The following SLC27A1 variants were observed in gnomAD, a reference collection of about 807,000 sequenced individuals.
The protein encoded by SLC27A1 is long-chain fatty acid transport protein 1.
Under a neutral mutation model 62.2 loss-of-function variants are expected in SLC27A1, and 61 were observed. The ratio of observed to expected loss-of-function variants is 0.98; its 90% CI spans 0.80 to 1.21. SLC27A1 has a LOEUF of 1.21. SLC27A1 is among the 50% of genes most tolerant of loss of function. The pLI is 0.00. For synonymous variants in SLC27A1, 435 were observed against 408.6 expected, an observed-to-expected ratio of 1.06 and a Z score of -0.78; for missense variants, 903 against 932.1, an observed-to-expected ratio of 0.97 and a Z score of 0.41.
At chr19:17,469,661 G>A (rs1437482840), upstream of SLC27A1, among the ~76,000 whole-genome samples, 1 of 152,120 alleles carries the variant, frequency 6.6e-6, no homozygotes, top group African/African-American at 2.4e-5. Context: ...GAAGACGGCC[G>A]GCCTCGGCTC....
chr19:17,473,386 T>C (rs1431741073), intron 1 of SLC27A1, among the ~76,000 whole-genome samples: 2 of 152,194 alleles, frequency 1.3e-5, no homozygotes, highest in African/African-American at 4.8e-5. Flanking sequence ...GGTGTGTGTA[T>C]GTTAAGGAAA....
In SLC27A1 at chr19:17,489,169, A is replaced by G. The variant is rs554421764; in HGVS notation, c.996+52A>G. The G allele has an allele frequency of 1.1e-4, 165 of 1,467,800 alleles. No homozygotes were observed. The Middle Eastern group carries it at 1.4e-3, about 12-fold the overall frequency. 90.9% of individuals were successfully genotyped at this position (1,467,800 alleles called of 1,614,324 possible). Reference sequence around the variant, plus strand: ...ACCCCGCCCCTCCCAGCCAGGCCTCACCCCCTCCCAATCAGGCCCCACCTC... The same window carrying G: ...ACCCCGCCCCTCCCAGCCAGGCCTCGCCCCCTCCCAATCAGGCCCCACCTC... On this transcript the variant is annotated intron_variant, in intron 6 of 11. Transcript: ENST00000252595.
intron 10 of SLC27A1, 156 bp downstream of exon 10, chr19:17,501,032 T>A: frequency 9.3e-7 from 1 of 1,072,960 alleles, no homozygotes; most frequent in Non-Finnish European, 1.3e-6. Flanking sequence ...CCAGTTCACC[T>A]GGGTGATGTT....
At chr19:17,485,102 C>T (rs2075215206) in intron 1 of SLC27A1, among the ~76,000 whole-genome samples, 1 of 151,938 alleles carries the variant, frequency 6.6e-6, no homozygotes, top group South Asian at 2.1e-4. Flanking sequence ...GGGGACCACT[C>T]ATTTCTCCAG....
chr19:17,487,761 C>G lies in SLC27A1; in HGVS notation c.794+232C>G, dbSNP rs561678400. On this transcript the variant is annotated intron_variant, in intron 4 of 11. Coordinates refer to ENST00000252595, the MANE Select transcript of SLC27A1 (RefSeq NM_198580.3). The stretch of plus-strand genomic sequence containing the variant: ...TGGGGCTGGACAAAGGCATCACACC[C>G]ATTTTCACACCCATCTTGGGACCCG... Among the ~76,000 whole-genome samples the G allele has an allele frequency of 6.6e-5, 10 of 152,258 alleles. No homozygotes were observed. In the South Asian group the frequency reaches 2.1e-3, roughly 32 times the overall value.
Position 17,500,569 on chromosome 19 carries a change from A to C in SLC27A1, c.1408A>C (p.Ser470Arg), listed in dbSNP as rs1390029113. 2 of 1,613,730 alleles carry C rather than the reference A, an allele frequency of 1.2e-6. No homozygotes were observed. The highest frequency in any genetic ancestry group is 4.5e-5 in the East Asian group (2 of 44,886). ...CCGCTTCGATGGCTATGTCAGCGAG[A>C]GCGCCACCAGCAAGAAGATCGCCCA... ...LRRFDGYVSE[S>R]ATSKKIAHSV... Residue 470 changes from serine (S) to arginine (R), a missense_variant, in exon 9 of 12, where the codon AGC becomes CGC. By Grantham distance (110) the Ser-to-Arg change is moderately radical (BLOSUM62 -1). Transcript: ENST00000252595.
At chr19:17,487,031 C>A in intron 2 of SLC27A1, 74 bp downstream of exon 2, 1 of 1,540,984 alleles carries the variant, frequency 6.5e-7, no homozygotes, top group South Asian at 1.2e-5. Flanking sequence ...GATGCTGCGC[C>A]CCAGGCCTCG....
chr19:17,482,629 C>A (rs1049638401), intron 1 of SLC27A1, among the ~76,000 whole-genome samples: 1 of 123,582 alleles, frequency 8.1e-6, no homozygotes, highest in African/African-American at 3.2e-5. Flanking sequence ...CTGGCCTGGA[C>A]GACAGAGCAA....
Position 17,500,312 on chromosome 19 carries a change from C to CCCA in SLC27A1, c.1243_1245dup (p.His415dup). On this transcript the variant is annotated inframe_insertion, in exon 8 of 12. Transcript: ENST00000252595. ...TGTGGTTTCAACAGCCGCATCCTGC[C>CCCA]CCACGTGTACCCCATCCGGCTGGTG... The CCCA allele has an allele frequency of 6.2e-7, 1 of 1,614,224 alleles. No homozygotes were observed. Among genetic ancestry groups the CCCA allele is most frequent in the Non-Finnish European group, 8.5e-7 (1 of 1,180,034 alleles).
chr19:17,475,978 G>A (rs752009783), intron 1 of SLC27A1, among the ~76,000 whole-genome samples: 2 of 152,066 alleles, frequency 1.3e-5, no homozygotes, highest in Admixed American at 6.6e-5. Flanking sequence ...CCAAGAGACC[G>A]GGAGGCTGGG....
chr19:17,473,537 A>G (rs971508096), intron 1 of SLC27A1, among the ~76,000 whole-genome samples: 1 of 151,936 alleles, frequency 6.6e-6, no homozygotes, highest in Non-Finnish European at 1.5e-5. Flanking sequence ...GTTGGTCCTT[A>G]TTTTCTGATC....
rs2075462328 is a variant in SLC27A1 at position 17,504,958 on chromosome 19, T to C, written c.*346T>C. 7.0e-6 allele frequency: 3 copies of C among 431,140 alleles called. No individual in the cohort carries two copies. The Admixed American group carries it at 8.0e-5, about 12-fold the overall frequency. The allele number at this position is 431,140 out of a possible 1,614,324, so 26.7% of individuals were successfully genotyped here. On this transcript the variant is annotated 3_prime_UTR_variant, in exon 12 of 12. Transcript: ENST00000252595. Reference sequence around the variant, plus strand: ...CCCGGGCTAGAGTGCAGTGGTGGGATCTCGGCTCACTGCAACCTCTGCCTC... The same window carrying C: ...CCCGGGCTAGAGTGCAGTGGTGGGACCTCGGCTCACTGCAACCTCTGCCTC...
intron 6 of SLC27A1, 37 bp from the exon 7 acceptor site, chr19:17,497,218 C>T: frequency 6.5e-7 from 1 of 1,549,114 alleles, no homozygotes; most frequent in East Asian, 2.4e-5. Context: ...CCACCGCCTG[C>T]CGGTCCCATC....
At chr19:17,480,947 T>TG (rs1454800270) in intron 1 of SLC27A1, among the ~76,000 whole-genome samples, 7 of 151,434 alleles carry the variant, frequency 4.6e-5, no homozygotes, top group Admixed American at 3.3e-4. Flanking sequence ...TTTTTTGAGA[T>TG]GGAGTTTTGC....
At position 17,504,560 on chromosome 19, in the gene SLC27A1, C is replaced by A. The variant is rs1475069463; in HGVS notation, c.1889C>A (p.Pro630His). 1 of 1,614,200 alleles carries A rather than the reference C, an allele frequency of 6.2e-7. No homozygotes were observed. Among genetic ancestry groups the A allele is most frequent in the Admixed American group, 1.7e-5 (1 of 60,012 alleles). ...GACCTGAAGCAGGGCCACTACCTGC[C>A]CTTAAATGAGGCAGTCTACACTCGC... Reference protein sequence around the residue: ...FLDLKQGHYLPLNEAVYTRIC... With the variant: ...FLDLKQGHYLHLNEAVYTRIC... Residue 630 changes from proline (P) to histidine (H), a missense_variant, in exon 12 of 12, where the codon CCC becomes CAC. Transcript: ENST00000252595.
At position 17,487,515 on chromosome 19, in the gene SLC27A1, TGTC is replaced by T. The variant is rs769366628; in HGVS notation, c.783_785del (p.Val262del). 9.9e-6 allele frequency: 16 copies of T among 1,611,516 alleles called. No homozygotes were observed. Among genetic ancestry groups the T allele is most frequent in the Admixed American group, 1.7e-5 (1 of 59,948 alleles). On this transcript the variant is annotated inframe_deletion, in exon 4 of 12. Transcript: ENST00000252595. ...CCACCGGGCTGCCCAAGGCTGCCAT[TGTC>T]GTGCACAGCAGGTGAGGGGCCCACA...
In SLC27A1 at chr19:17,480,935, T is replaced by C. The variant is rs142970184; in HGVS notation, c.168-5628T>C. On this transcript the variant is annotated intron_variant, in intron 1 of 11. Transcript: ENST00000252595. ...AACGTGGTATTTGGATTTCTTTTTT[T>C]TTTTTTTGAGATGGAGTTTTGCTCT... Among the ~76,000 whole-genome samples, 477 of 152,160 alleles carry C rather than the reference T, an allele frequency of 3.1e-3. 3 individuals are homozygous for C. The highest frequency in any genetic ancestry group is 0.011 in the African/African-American group (464 of 41,536).
rs900443679 is a variant in SLC27A1, at chr19:17,470,725, C to G, written c.167+18C>G. The G allele has an allele frequency of 1.3e-5, 21 of 1,565,464 alleles. No individual in the cohort carries two copies. Among genetic ancestry groups the G allele is most frequent in the East Asian group, 1.2e-4 (5 of 43,118 alleles). On this transcript the variant is annotated intron_variant, in intron 1 of 11. Coordinates refer to ENST00000252595, the MANE Select transcript of SLC27A1 (RefSeq NM_198580.3). ...GACCTCTTGTGAGTGTTGCCGGGATCCGTCCAGGGCTGGGGGCGGGGCTGA... is the reference window on the plus strand; with the variant it reads ...GACCTCTTGTGAGTGTTGCCGGGATGCGTCCAGGGCTGGGGGCGGGGCTGA...
At position 17,486,355 on chromosome 19, in the gene SLC27A1, T is replaced by C. The variant is rs2144574113; in HGVS notation, c.168-208T>C. On this transcript the variant is annotated intron_variant, in intron 1 of 11. Coordinates refer to ENST00000252595, the MANE Select transcript of SLC27A1 (RefSeq NM_198580.3). The surrounding 1 kb of genome is among the most constrained non-coding windows in gnomAD (Gnocchi z 6.6). ...GGGGAGGACAGGGTGACTGGTTTAT[T>C]ACGCTTTGAGAATCTACCTTCTTCC... 6.6e-6 allele frequency among the ~76,000 whole-genome samples: 1 copy of C among 152,308 alleles called. No homozygotes were observed. Among genetic ancestry groups the C allele is most frequent in the South Asian group, 2.1e-4 (1 of 4,824 alleles).
Sources: allele counts gnomAD v4.1 joint callset (sites outside exome capture counted in the v4.1 genomes callset), GRCh38; gene constraint gnomAD v4.1.1; non-coding constraint Gnocchi (gnomAD v3.1); transcripts MANE v1.5; gene names NCBI Gene and HGNC (gene_info 2026-07-23, HGNC 2026-07-21).